The following POLH variants were observed in gnomAD, a reference collection of about 807,000 sequenced individuals.
POLH encodes the protein DNA polymerase eta.
Under a neutral mutation model 73.6 loss-of-function variants are expected in POLH, and 53 were observed. The ratio of observed to expected loss-of-function variants is 0.72; its 90% CI spans 0.58 to 0.91. The LOEUF (loss-of-function observed/expected upper bound fraction) is 0.91. POLH is among the 40% of genes least tolerant of loss of function. POLH has a pLI of 0.00. For missense variants in POLH, 768 were observed against 865.4 expected (o/e 0.89, Z 1.41); for synonymous variants, 292 against 308.5 (o/e 0.95, Z 0.56).
chr6:43,599,028 G>T (rs1014358628), intron 5 of POLH, among the ~76,000 whole-genome samples: 13 of 114,878 alleles, frequency 1.1e-4, no homozygotes, highest in Admixed American at 4.8e-4. Context: ...TCGCCCTGTT[G>T]CCCAGGCTGG....
rs200438344 is a variant in POLH at position 43,613,821 on chromosome 6, C to T, written c.1406C>T (p.Ala469Val). ...SEAKTQGSGP[A>V]VTATKKATTS... ...GCTAAGACCCAGGGAAGTGGCCCAG[C>T]GGTGACAGCCACTAAGAAAGCAACC... The change falls in exon 11 of 11, where the codon GCG (alanine) becomes GTG (valine). Residue 469 changes from alanine (A) to valine (V), a missense_variant. Transcript: ENST00000372236. 3.9e-5 allele frequency: 63 copies of T among 1,614,138 alleles called. No individual in the cohort carries two copies. The highest frequency in any genetic ancestry group is 3.6e-4 in the East Asian group (16 of 44,886).
rs552779831 is a variant in POLH at position 43,582,353 on chromosome 6, G to A, written c.34G>A (p.Val12Met). 11 of 1,614,122 alleles carry A rather than the reference G, an allele frequency of 6.8e-6. No individual in the cohort carries two copies. In the South Asian group the frequency reaches 8.8e-5, roughly 13 times the overall value. The change falls in exon 2 of 11, where the codon GTG becomes ATG. Residue 12 changes from valine (V) to methionine (M), a missense_variant. Coordinates refer to ENST00000372236, the MANE Select transcript of POLH (RefSeq NM_006502.3). ...TGGACAGGATCGAGTGGTTGCTCTC[G>A]TGGACATGGACTGTTTTTTTGTTCA... ...ATGQDRVVAL[V>M]DMDCFFVQVE...
chr6:43,587,229 G>A (rs779411693), intron 3 of POLH, 43 bp from the exon 4 acceptor site: 2 of 1,407,484 alleles, frequency 1.4e-6, no homozygotes, highest in Non-Finnish European at 2.0e-6. Flanking sequence ...TCTCAAGGTT[G>A]CCTCTGTTTA....
intron 4 of POLH, among the ~76,000 whole-genome samples, chr6:43,594,667 T>C (rs1328874812): frequency 6.6e-6 from 1 of 152,132 alleles, no homozygotes. Flanking sequence ...CACTCTAGCC[T>C]GGGCAACAGA....
In POLH at chr6:43,582,462, T is replaced by A. The variant is rs1159827481; in HGVS notation, c.137+6T>A. On this transcript the variant is annotated splice_donor_region_variant and intron_variant, in intron 2 of 10. Transcript: ENST00000372236. ...AAATCATGGAAGGGTGGTGGGTATG[T>A]ATCATTGTTATTGTCACAACTATTC... The A allele has an allele frequency of 6.2e-7, 1 of 1,613,026 alleles. No homozygotes were observed. Among genetic ancestry groups the A allele is most frequent in the Non-Finnish European group, 8.5e-7 (1 of 1,179,002 alleles).
At chr6:43,599,787 T>A (rs1766520659) in intron 5 of POLH, among the ~76,000 whole-genome samples, 1 of 151,008 alleles carries the variant, frequency 6.6e-6, no homozygotes, top group African/African-American at 2.4e-5. Context: ...ATATAATTTT[T>A]AAATTATATT....
intron 4 of POLH, among the ~76,000 whole-genome samples, chr6:43,592,317 C>A (rs1044585709): frequency 6.6e-6 from 1 of 151,968 alleles, no homozygotes; most frequent in Non-Finnish European, 1.5e-5. Context: ...TACCTTGATA[C>A]TGAGCTTTCC....
intron 4 of POLH, among the ~76,000 whole-genome samples, chr6:43,595,893 A>G (rs1765995794): frequency 6.6e-6 from 1 of 151,886 alleles, no homozygotes; most frequent in East Asian, 1.9e-4. Flanking sequence ...AGGCTTGCAC[A>G]TATTAAGAAC....
chr6:43,589,049 A>G (rs1765156136), intron 4 of POLH, among the ~76,000 whole-genome samples: 1 of 151,182 alleles, frequency 6.6e-6, no homozygotes, highest in South Asian at 2.1e-4. Context: ...CGTGTTAGCC[A>G]AGATGGTCTC....
chr6:43,602,561 G>A (rs1766849319), intron 6 of POLH, among the ~76,000 whole-genome samples: 2 of 152,112 alleles, frequency 1.3e-5, no homozygotes, highest in South Asian at 4.1e-4. Flanking sequence ...CAGTGAACTG[G>A]GACCTAAAGT....
Position 43,604,680 on chromosome 6 carries a change from A to G in POLH, c.950A>G (p.Lys317Arg), listed in dbSNP as rs1002787841. Residue 317 changes from lysine to arginine, a missense_variant, in exon 8 of 11, where the codon AAA (lysine) becomes AGA (arginine). Physicochemically the swap from Lys to Arg is conservative, Grantham distance 26 (BLOSUM62 2). Coordinates refer to ENST00000372236, the MANE Select transcript of POLH (RefSeq NM_006502.3). ...CCAGTTAAACCCAGGCAACTACCCA[A>G]AACCATTGGCTGTAGTAAGAACTTC... is the stretch of plus-strand genomic sequence containing the variant. ...HDPVKPRQLP[K>R]TIGCSKNFPG... 9 of 1,614,118 alleles carry G rather than the reference A, an allele frequency of 5.6e-6. No homozygotes were observed. The highest frequency in any genetic ancestry group is 2.2e-5 in the East Asian group (1 of 44,876).
intron 4 of POLH, among the ~76,000 whole-genome samples, chr6:43,597,022 AAT>A (rs1390428512): frequency 6.6e-6 from 1 of 152,190 alleles, no homozygotes; most frequent in Non-Finnish European, 1.5e-5. Context: ...AATTGAAAAA[AAT>A]ATTCTTGGAG....
intron 5 of POLH, 58 bp from the exon 6 acceptor site, chr6:43,600,930 A>G (rs1766669799): frequency 9.6e-7 from 1 of 1,045,176 alleles, no homozygotes; most frequent in Non-Finnish European, 1.5e-6. Flanking sequence ...GTATGTTTAT[A>G]TTCACCAACT....
chr6:43,612,652 T>C (rs1768019823), intron 10 of POLH, among the ~76,000 whole-genome samples: 1 of 150,654 alleles, frequency 6.6e-6, no homozygotes, highest in African/African-American at 2.4e-5. Context: ...CGGCCAATAG[T>C]GTAATAATAA....
intron 9 of POLH, among the ~76,000 whole-genome samples, chr6:43,606,525 T>A (rs567195181): frequency 1.1e-4 from 17 of 152,092 alleles, no homozygotes; most frequent in Non-Finnish European, 2.2e-4. Flanking sequence ...ACCTCCCAAA[T>A]TCAAGCGATT....
At chr6:43,598,762 A>G (rs1766403740) in intron 5 of POLH, among the ~76,000 whole-genome samples, 1 of 152,186 alleles carries the variant, frequency 6.6e-6, no homozygotes, top group African/African-American at 2.4e-5. Flanking sequence ...AGGATATACA[A>G]AGGTTATATG....
chr6:43,586,455 T>G (rs1166726548), intron 3 of POLH, among the ~76,000 whole-genome samples: 1 of 152,142 alleles, frequency 6.6e-6, no homozygotes, highest in African/African-American at 2.4e-5. Flanking sequence ...CACTCCAGCC[T>G]GGGAGACAAG....
chr6:43,578,717 A>C (rs1763677198), intron 1 of POLH, among the ~76,000 whole-genome samples: 1 of 152,234 alleles, frequency 6.6e-6, no homozygotes, highest in Non-Finnish European at 1.5e-5. Flanking sequence ...ATTTTCTGTA[A>C]GTCTAAAAGT....
In POLH at chr6:43,619,060, T is replaced by C. The variant is rs1768535701; in HGVS notation, c.*4503T>C. Among the ~76,000 whole-genome samples the C allele has an allele frequency of 6.6e-6, 1 of 152,164 alleles. No individual in the cohort carries two copies. Among genetic ancestry groups the C allele is most frequent in the African/African-American group, 2.4e-5 (1 of 41,436 alleles). On this transcript the variant is annotated 3_prime_UTR_variant, in exon 11 of 11. Transcript: ENST00000372236. ...TTTCTTCAAAAATATTTTCTGCTTT[T>C]ATGATACTTGAATATCTAATAAAAG...
Sources: allele counts gnomAD v4.1 joint callset (sites outside exome capture counted in the v4.1 genomes callset), GRCh38; gene constraint gnomAD v4.1.1; transcripts MANE v1.5; gene names NCBI Gene and HGNC (gene_info 2026-07-23, HGNC 2026-07-21).